The following SH3RF1 variants were observed in gnomAD, a reference collection of about 807,000 sequenced individuals.
SH3RF1 encodes the protein SH3 domain containing ring finger 1.
Under a neutral mutation model 74.0 loss-of-function variants are expected in SH3RF1, and 32 were observed. The observed-to-expected ratio is 0.43, with a 90% CI of 0.33 to 0.58. SH3RF1 has a LOEUF of 0.58. Among genes scored for constraint, SH3RF1 ranks in the 20% least tolerant of loss-of-function variants. SH3RF1 has a pLI of 0.05. For synonymous variants in SH3RF1, 396 were observed against 439.6 expected (o/e 0.90, Z 1.24); for missense variants, 954 against 1,130.9 (o/e 0.84, Z 2.24).
At chr4:169,208,482 T>C (rs1730297369) in intron 2 of SH3RF1, among the ~76,000 whole-genome samples, 1 of 152,292 alleles carries the variant, frequency 6.6e-6, no homozygotes, top group East Asian at 1.9e-4. Context: ...CAGACACAAA[T>C]GTTTCTTAAA....
intron 2 of SH3RF1, among the ~76,000 whole-genome samples, chr4:169,241,565 C>T (rs1311234764): frequency 2.4e-5 from 2 of 82,448 alleles, no homozygotes; most frequent in Non-Finnish European, 5.4e-5. Context: ...AACATCAGCA[C>T]TCCTGAACTC....
At position 169,256,475 on chromosome 4, in the gene SH3RF1, G is replaced by A. The variant is rs533125760; in HGVS notation, c.393+12345C>T. Among the ~76,000 whole-genome samples, 4 of 152,240 alleles carry A rather than the reference G, an allele frequency of 2.6e-5. No individual in the cohort carries two copies. The South Asian group carries it at 8.3e-4, about 32-fold the overall frequency. On this transcript the variant is annotated intron_variant, in intron 2 of 11. Coordinates refer to ENST00000284637, the MANE Select transcript of SH3RF1 (RefSeq NM_020870.4). ...TAGTCACTAATTTATGAACAGCTTG[G>A]GTATCTGAAGTTTAAGCCAGCTGTT...
At chr4:169,198,360 G>A (rs1221806008) in intron 2 of SH3RF1, among the ~76,000 whole-genome samples, 1 of 151,018 alleles carries the variant, frequency 6.6e-6, no homozygotes, top group Non-Finnish European at 1.5e-5. Context: ...CAAATAGAGT[G>A]TTAAATCAGC....
At chr4:169,221,027 AC>A (rs916729421) in intron 2 of SH3RF1, among the ~76,000 whole-genome samples, 3 of 152,344 alleles carry the variant, frequency 2.0e-5, no homozygotes, top group Admixed American at 1.3e-4. Context: ...AGAGTTGAAC[AC>A]AACTAAACTT....
At chr4:169,118,383 T>C (rs148628694) in intron 8 of SH3RF1, among the ~76,000 whole-genome samples, 1 of 152,354 alleles carries the variant, frequency 6.6e-6, no homozygotes, top group East Asian at 1.9e-4. Flanking sequence ...TGTGGATTTC[T>C]TCTTTCATTC....
intron 4 of SH3RF1, among the ~76,000 whole-genome samples, chr4:169,145,935 A>G (rs1242399259): frequency 7.2e-6 from 1 of 139,858 alleles, no homozygotes; most frequent in African/African-American, 2.6e-5. Context: ...AATATTACAT[A>G]TTCTATATAT....
At chr4:169,227,760 C>A (rs749699831) in intron 2 of SH3RF1, among the ~76,000 whole-genome samples, 7 of 152,162 alleles carry the variant, frequency 4.6e-5, no homozygotes, top group Non-Finnish European at 1.0e-4. Context: ...CAGTGCCCAT[C>A]GAAGCCAGAC....
chr4:169,238,380 T>C (rs1730852079), intron 2 of SH3RF1, among the ~76,000 whole-genome samples: 1 of 152,206 alleles, frequency 6.6e-6, no homozygotes, highest in Non-Finnish European at 1.5e-5. Flanking sequence ...CATCTTCACC[T>C]TCAGGAAAAT....
Position 169,136,387 on chromosome 4 carries a change from G to A in SH3RF1, c.999C>T (p.Ser333=). Residue 333 remains serine, a synonymous_variant, in exon 5 of 12, where the codon AGC becomes AGT. Coordinates refer to ENST00000284637, the MANE Select transcript of SH3RF1 (RefSeq NM_020870.4). ...SMEISPPVLI[S]SSNPTAAARI... is the part of the protein sequence containing the mutation. ...GTGCAGCAGCAGTGGGGTTGCTGGA[G>A]CTGATGAGGACAGGGGGGCTGATCT... 1 of 1,590,216 alleles carries A rather than the reference G, an allele frequency of 6.3e-7. No individual in the cohort carries two copies. The highest frequency in any genetic ancestry group is 8.5e-7 in the Non-Finnish European group (1 of 1,170,052).
At chr4:169,247,944 C>T (rs938257526) in intron 2 of SH3RF1, among the ~76,000 whole-genome samples, 4 of 152,092 alleles carry the variant, frequency 2.6e-5, no homozygotes. Context: ...CAATGAGATA[C>T]GCCACTCCAG....
intron 2 of SH3RF1, among the ~76,000 whole-genome samples, chr4:169,233,502 C>T (rs899610893): frequency 2.0e-5 from 3 of 152,256 alleles, no homozygotes; most frequent in South Asian, 4.1e-4. Context: ...TATCACAGGA[C>T]AGGTACTTTT....
chr4:169,229,031 A>T (rs112057793), intron 2 of SH3RF1, among the ~76,000 whole-genome samples: 2 of 152,138 alleles, frequency 1.3e-5, no homozygotes, highest in African/African-American at 4.8e-5. Context: ...TTATTTTTTT[A>T]AAAAAAGGCA....
At chr4:169,097,517 A>G (rs1454508354) in intron 11 of SH3RF1, among the ~76,000 whole-genome samples, 1 of 152,212 alleles carries the variant, frequency 6.6e-6, no homozygotes, top group Non-Finnish European at 1.5e-5. Context: ...CCCTGCCTCC[A>G]TGCTCCTTAG....
intron 2 of SH3RF1, among the ~76,000 whole-genome samples, chr4:169,259,041 G>A (rs561118070): frequency 9.2e-5 from 14 of 152,138 alleles, no homozygotes; most frequent in Admixed American, 7.2e-4. Context: ...TAGATATGAA[G>A]CATCCTATAG....
intron 2 of SH3RF1, among the ~76,000 whole-genome samples, chr4:169,187,187 C>T (rs143042623): frequency 2.0e-5 from 3 of 152,142 alleles, no homozygotes; most frequent in South Asian, 4.2e-4. Context: ...AGTGTACACA[C>T]GTATATATGT....
At chr4:169,250,870 AC>A (rs1430085808) in intron 2 of SH3RF1, among the ~76,000 whole-genome samples, 1 of 152,130 alleles carries the variant, frequency 6.6e-6, no homozygotes, top group African/African-American at 2.4e-5. Context: ...TTGAAAAGAG[AC>A]CAAACTGAAG....
intron 2 of SH3RF1, among the ~76,000 whole-genome samples, chr4:169,158,534 T>C (rs529817193): frequency 3.5e-4 from 54 of 152,358 alleles, no homozygotes; most frequent in Non-Finnish European, 2.4e-4. Context: ...GGTAAGTCAT[T>C]TCCATGTTTA....
Position 169,198,903 on chromosome 4 carries a change from G to T in SH3RF1, c.394-42224C>A, listed in dbSNP as rs1195369957. 2.6e-5 allele frequency among the ~76,000 whole-genome samples: 4 copies of T among 152,096 alleles called. No individual in the cohort carries two copies. In the South Asian group the frequency reaches 8.3e-4, roughly 32 times the overall value. On this transcript the variant is annotated intron_variant, in intron 2 of 11. Transcript: ENST00000284637. ...GTCTAGACTTAAAACAAGAACAAGAGAAAAATAATGACCTGTGTAGAAAGA... is the reference window on the plus strand; with the variant it reads ...GTCTAGACTTAAAACAAGAACAAGATAAAAATAATGACCTGTGTAGAAAGA...
In SH3RF1 at chr4:169,156,337, A is replaced by G. The variant is rs1216622708; in HGVS notation, c.669+67T>C. 5 of 1,452,270 alleles carry G rather than the reference A, an allele frequency of 3.4e-6. No homozygotes were observed. The African/African-American group carries it at 7.1e-5, about 20-fold the overall frequency. 90.0% of individuals were successfully genotyped at this position (1,452,270 alleles called of 1,614,324 possible). On this transcript the variant is annotated intron_variant, in intron 3 of 11. Transcript: ENST00000284637. The stretch of plus-strand genomic sequence containing the variant: ...TTTTTTGCAAAAGGCAACACGAGCT[A>G]TATTTCTATGTATCTGGGTACAGAG...
Sources: gnomAD v4.1 joint callset for allele counts (sites outside exome capture counted in the v4.1 genomes callset) on GRCh38, gnomAD v4.1.1 for gene constraint, MANE v1.5 for transcripts, NCBI Gene and HGNC (gene_info 2026-07-23, HGNC 2026-07-21) for gene names.